ZNF451: variants seen among roughly 807,000 people sequenced by gnomAD.
The protein encoded by ZNF451 is E3 SUMO-protein ligase ZNF451.
ZNF451 carries 80 observed loss-of-function variants against 107.1 expected under a neutral mutation model. The observed-to-expected ratio is 0.75, with a 90% confidence interval of 0.62 to 0.90. ZNF451 has a LOEUF of 0.90. Among genes scored for constraint, ZNF451 ranks in the 40% least tolerant of loss-of-function variants. The pLI is 0.00. For missense variants in ZNF451, 1,107 were observed against 1,236.2 expected, an observed-to-expected ratio of 0.90 and a Z score of 1.57; for synonymous variants, 362 against 406.5, an observed-to-expected ratio of 0.89 and a Z score of 1.32.
At chr6:57,102,919 T>C (rs1401419113) in intron 3 of ZNF451, 1 of 985,338 alleles carries the variant, frequency 1.0e-6, no homozygotes, top group Non-Finnish European at 1.2e-6. Flanking sequence ...TAATAGTCTT[T>C]GACCTATCAA....
chr6:57,129,456 A>G lies in ZNF451; in HGVS notation c.424+616A>G, dbSNP rs193244983. On this transcript the variant is annotated intron_variant, in intron 5 of 14. Transcript: ENST00000370706. ...TCCTGTCTTGTCTTGAAGAATATCT[A>G]CTGAGCCTTTAAAGAGTTAGGATAT... 2.0e-5 allele frequency among the ~76,000 whole-genome samples: 3 copies of G among 152,258 alleles called. No homozygotes were observed. In the East Asian group the frequency reaches 5.8e-4, roughly 29 times the overall value.
intron 14 of ZNF451, among the ~76,000 whole-genome samples, chr6:57,168,151 AT>A (rs1347704449): frequency 6.6e-6 from 1 of 152,162 alleles, no homozygotes; most frequent in Non-Finnish European, 1.5e-5. Context: ...CCTGTCAGTG[AT>A]TTTAAAAGTT....
At chr6:57,093,995 A>G (rs77279338) in intron 2 of ZNF451, among the ~76,000 whole-genome samples, 1,959 of 152,328 alleles carry the variant, frequency 0.013, 44 homozygotes, top group African/African-American at 0.044. Flanking sequence ...TTAGGGTTTC[A>G]GATTTATGCT....
Position 57,147,343 on chromosome 6 carries a change from G to C in ZNF451, c.1258G>C (p.Asp420His). ...DPSSDLHLLL[D>H]QSKFSSLKRT... ...TTCTTCTGACTTGCATTTATTGTTG[G>C]ATCAATCAAAATTTTCATCACTTAA... Residue 420 changes from aspartate (D) to histidine (H), a missense_variant, in exon 10 of 15, where the codon GAT (aspartate) becomes CAT (histidine). Asp to His is a moderately conservative substitution (Grantham distance 81, BLOSUM62 -1). This residue lies in a region of ZNF451 where 608 missense variants were observed against 649.2 expected (regional missense o/e 0.94). Transcript: ENST00000370706. The C allele has an allele frequency of 1.2e-6, 2 of 1,613,988 alleles. No individual in the cohort carries two copies. Among genetic ancestry groups the C allele is most frequent in the Non-Finnish European group, 1.7e-6 (2 of 1,179,972 alleles).
At chr6:57,128,173 C>G (rs1831020750) in intron 4 of ZNF451, among the ~76,000 whole-genome samples, 1 of 152,146 alleles carries the variant, frequency 6.6e-6, no homozygotes, top group Non-Finnish European at 1.5e-5. Flanking sequence ...CAAATACTTA[C>G]TAGGCTCCTT....
At chr6:57,142,141 C>T (rs753379951) in intron 9 of ZNF451, 46 bp downstream of exon 9, 25 of 1,514,116 alleles carry the variant, frequency 1.7e-5, no homozygotes, top group Non-Finnish European at 2.1e-5. Flanking sequence ...TGAGTGTTTG[C>T]CAGTGAGAAG....
rs543783171 is a variant in ZNF451 at position 57,144,076 on chromosome 6, G to T, written c.1004+1981G>T. The stretch of plus-strand genomic sequence containing the variant: ...TGGGGAGCATGGCGAAAAGGGAGGT[G>T]GGGAGGTGATAGCTAAAGGGCATGG... On this transcript the variant is annotated intron_variant, in intron 9 of 14. Coordinates refer to ENST00000370706, the MANE Select transcript of ZNF451 (RefSeq NM_001031623.3). Among the ~76,000 whole-genome samples the T allele has an allele frequency of 3.9e-5, 6 of 152,114 alleles. 1 individual carries two copies. The highest frequency in any genetic ancestry group is 1.4e-4 in the African/African-American group (6 of 41,462).
chr6:57,098,135 A>G (rs1028223250), intron 2 of ZNF451, among the ~76,000 whole-genome samples: 2 of 150,360 alleles, frequency 1.3e-5, no homozygotes, highest in African/African-American at 4.9e-5. Flanking sequence ...ATGCCTGGCT[A>G]ATTTGTACAT....
At chr6:57,151,024 A>C (rs537922123) in intron 11 of ZNF451, 162 bp downstream of exon 11, 21 of 840,688 alleles carry the variant, frequency 2.5e-5, no homozygotes, top group East Asian at 1.9e-4. Context: ...TTTTCTTTAC[A>C]TGCCTCTGTG....
intron 3 of ZNF451, among the ~76,000 whole-genome samples, chr6:57,119,786 A>C (rs1358668551): frequency 6.6e-6 from 1 of 151,888 alleles, no homozygotes; most frequent in East Asian, 1.9e-4. Context: ...CATAAGATAT[A>C]CTTTCTATTT....
intron 2 of ZNF451, among the ~76,000 whole-genome samples, chr6:57,097,125 A>G (rs1206431103): frequency 1.3e-5 from 2 of 152,102 alleles, no homozygotes; most frequent in Non-Finnish European, 2.9e-5. Context: ...TCTGTTTACC[A>G]TATATTGGAG....
intron 13 of ZNF451, chr6:57,154,476 C>T (rs915933940): frequency 5.1e-5 from 11 of 214,844 alleles, no homozygotes; most frequent in African/African-American, 2.5e-4. Flanking sequence ...TTGACAGTGA[C>T]AAAATAAAAC....
At chr6:57,107,467 G>C in intron 3 of ZNF451, 2 of 985,212 alleles carry the variant, frequency 2.0e-6, no homozygotes, top group Non-Finnish European at 2.4e-6. Context: ...TCAACTTTTA[G>C]TGCTACCTTG....
Position 57,143,638 on chromosome 6 carries a change from C to T in ZNF451, c.1004+1543C>T, listed in dbSNP as rs537709372. Among the ~76,000 whole-genome samples the T allele has an allele frequency of 2.4e-4, 37 of 152,270 alleles. No homozygotes were observed. In the South Asian group the frequency reaches 7.2e-3, roughly 30 times the overall value. ...TTTCATTTTTATTCAGTTAAAAATA[C>T]GTATCTCTTTTTTCCTCATTTAACC... On this transcript the variant is annotated intron_variant, in intron 9 of 14. Coordinates refer to ENST00000370706, the MANE Select transcript of ZNF451 (RefSeq NM_001031623.3).
intron 10 of ZNF451, 39 bp from the exon 11 acceptor site, chr6:57,150,680 A>G: frequency 6.5e-7 from 1 of 1,549,034 alleles, no homozygotes; most frequent in South Asian, 1.3e-5. Context: ...ATTTTAGCAA[A>G]TTCTTACTGA....
intron 5 of ZNF451, among the ~76,000 whole-genome samples, chr6:57,130,593 G>C (rs191893630): frequency 2.6e-5 from 4 of 152,210 alleles, no homozygotes; most frequent in Admixed American, 2.6e-4. Context: ...TCATGAGTCT[G>C]ACACTTTCAA....
At chr6:57,157,393 C>G (rs756880171) in intron 13 of ZNF451, among the ~76,000 whole-genome samples, 13 of 151,942 alleles carry the variant, frequency 8.6e-5, no homozygotes, top group Non-Finnish European at 1.5e-4. Context: ...ATTTGGAGTT[C>G]CTGGTTCTGT....
chr6:57,099,715 C>T, intron 3 of ZNF451: 1 of 507,936 alleles, frequency 2.0e-6, no homozygotes, highest in Non-Finnish European at 3.5e-6. Context: ...TTCCCTTGCT[C>T]TGAGAATTGA....
intron 3 of ZNF451, among the ~76,000 whole-genome samples, chr6:57,118,300 C>G (rs1254843659): frequency 6.6e-6 from 1 of 151,954 alleles, no homozygotes; most frequent in East Asian, 1.9e-4. Flanking sequence ...CCAGGACTTT[C>G]AAGCATGACT....
Sources: allele counts gnomAD v4.1 joint callset (sites outside exome capture counted in the v4.1 genomes callset), GRCh38; gene constraint gnomAD v4.1.1; regional missense constraint gnomAD v4.1.1; transcripts MANE v1.5; gene names NCBI Gene and HGNC (gene_info 2026-07-23, HGNC 2026-07-21).